POU2AF1: variants seen among roughly 807,000 people sequenced by gnomAD.
POU2AF1 encodes the protein POU class 2 homeobox associating factor 1.
In POU2AF1, 12 loss-of-function variants were observed where a neutral mutation model predicts 26.3. The observed-to-expected ratio is 0.46, with a 90% CI of 0.29 to 0.74. The LOEUF (loss-of-function observed/expected upper bound fraction) is 0.74, where lower values mean the gene tolerates loss of function less well. Ranked by LOEUF, POU2AF1 falls within the 30% of genes least tolerant of loss-of-function variation. The pLI, the probability that POU2AF1 is intolerant of heterozygous loss-of-function variation, is 0.09. For synonymous variants in POU2AF1, 175 were observed against 148.0 expected (o/e 1.18, Z -1.32); for missense variants, 297 against 334.5 (o/e 0.89, Z 0.87).
chr11:111,374,116 A>ATTTTTTTTTTTTT (rs60260380), intron 1 of POU2AF1, among the ~76,000 whole-genome samples: 2 of 109,648 alleles, frequency 1.8e-5, no homozygotes, highest in Non-Finnish European at 3.7e-5. Context: ...GGCAAACTTG[A>ATTTTTTTTTTTTT]TTTTTTTTTT....
chr11:111,362,352 A>G (rs77899176), intron 1 of POU2AF1, among the ~76,000 whole-genome samples: 7,416 of 152,310 alleles, frequency 0.049, 228 homozygotes, highest in Middle Eastern at 0.15. Flanking sequence ...TAAGTGTACC[A>G]TAAATTATTG....
At chr11:111,374,031 A>G (rs12799202) in intron 1 of POU2AF1, among the ~76,000 whole-genome samples, 98,287 of 151,736 alleles carry the variant, frequency 0.65, 33,267 homozygotes, top group Admixed American at 0.77. Context: ...ACACTTTGTA[A>G]TGGGAAAGTT....
At chr11:111,378,301 AAGAC>A (rs1170840139) in intron 1 of POU2AF1, among the ~76,000 whole-genome samples, 2 of 152,226 alleles carry the variant, frequency 1.3e-5, no homozygotes, top group South Asian at 2.1e-4. Context: ...CTTTAAGAGA[AAGAC>A]AGAGCAATTT....
At chr11:111,368,732 T>G (rs2135130875) in intron 1 of POU2AF1, among the ~76,000 whole-genome samples, 1 of 152,346 alleles carries the variant, frequency 6.6e-6, no homozygotes, top group South Asian at 2.1e-4. Flanking sequence ...ATGTTGCTTA[T>G]CACCTGTGTG....
intron 2 of POU2AF1, among the ~76,000 whole-genome samples, chr11:111,358,426 ACT>A (rs776164484): frequency 7.1e-4 from 70 of 98,604 alleles, no homozygotes; most frequent in African/African-American, 2.4e-3. Flanking sequence ...ACACGCTCAC[ACT>A]CTCACACTCA....
At position 111,375,390 on chromosome 11, in the gene POU2AF1, C is replaced by CTTTTTTTTTTTT. The variant is rs869115956; in HGVS notation, c.16+3760_16+3771dup. On this transcript the variant is annotated intron_variant, in intron 1 of 4. Coordinates refer to ENST00000393067, the MANE Select transcript of POU2AF1 (RefSeq NM_006235.3). ...TGTACAACCCCAGGATACTGAGTAT[C>CTTTTTTTTTTTT]TTTTTTTTTTTTTTTTTTTTTTTTG... Among the ~76,000 whole-genome samples the CTTTTTTTTTTTT allele has an allele frequency of 2.1e-4, 17 of 79,498 alleles. 1 individual carries two copies. Among genetic ancestry groups the CTTTTTTTTTTTT allele is most frequent in the Non-Finnish European group, 3.2e-4 (15 of 46,204 alleles). The allele number at this position is 79,498 out of a possible 152,430, so 52.2% of individuals were successfully genotyped here.
chr11:111,377,738 T>C (rs553986697), intron 1 of POU2AF1: 4 of 179,190 alleles, frequency 2.2e-5, no homozygotes, highest in Non-Finnish European at 4.8e-5. Context: ...GGCACACAGA[T>C]GCTTAGGGGC....
chr11:111,366,452 A>G (rs1016412013), intron 1 of POU2AF1, among the ~76,000 whole-genome samples: 4 of 152,250 alleles, frequency 2.6e-5, no homozygotes, highest in African/African-American at 9.6e-5. Context: ...CAGCTGAAGA[A>G]TAAGTTGTAA....
At chr11:111,364,026 A>G in intron 1 of POU2AF1, 1 of 981,874 alleles carries the variant, frequency 1.0e-6, no homozygotes, top group Non-Finnish European at 1.2e-6. Context: ...GGGGGAAAAA[A>G]AATCATTTAC....
At position 111,358,792 on chromosome 11, in the gene POU2AF1, G is replaced by T. The variant is rs751262631; in HGVS notation, c.143C>A (p.Thr48Lys). The T allele has an allele frequency of 1.9e-6, 3 of 1,592,644 alleles. No individual in the cohort carries two copies. In the Middle Eastern group the frequency reaches 5.0e-4, roughly 264 times the overall value. Residue 48 changes from threonine to lysine, a missense_variant, in exon 2 of 5, where the codon ACG becomes AAG. Thr to Lys is a moderately conservative substitution (Grantham distance 78, BLOSUM62 -1). Coordinates refer to ENST00000393067, the MANE Select transcript of POU2AF1 (RefSeq NM_006235.3). ...HASSGAAPAP[T>K]AVVLPHQPLA... Reference sequence around the variant, plus strand: ...CTCACACACACAAACTCTCACCGCCGTAGGTGCAGGTGCTGCCCCACTGCT... The same window carrying T: ...CTCACACACACAAACTCTCACCGCCTTAGGTGCAGGTGCTGCCCCACTGCT...
chr11:111,357,721 A>T lies in POU2AF1; in HGVS notation c.191-11T>A. ...CCAGGCAGGAAGGACCTGTGGGAAG[A>T]AGGAAATTACAGAACTTCAGATGCC... On this transcript the variant is annotated splice_polypyrimidine_tract_variant and intron_variant, in intron 3 of 4. Transcript: ENST00000393067. 6.2e-7 allele frequency: 1 copy of T among 1,612,014 alleles called. No homozygotes were observed. The highest frequency in any genetic ancestry group is 1.7e-5 in the Admixed American group (1 of 59,654).
At chr11:111,365,383 T>C (rs1013656729) in intron 1 of POU2AF1, among the ~76,000 whole-genome samples, 6 of 152,080 alleles carry the variant, frequency 3.9e-5, no homozygotes, top group Non-Finnish European at 7.4e-5. Context: ...AAACAACAGG[T>C]AAACCTTGTA....
chr11:111,363,909 A>G (rs1861057376), intron 1 of POU2AF1: 1 of 985,110 alleles, frequency 1.0e-6, no homozygotes, highest in South Asian at 4.7e-5. Flanking sequence ...AAATCTTTCC[A>G]CCTTAGCATG....
At chr11:111,370,647 T>G (rs1047621374) in intron 1 of POU2AF1, among the ~76,000 whole-genome samples, 1 of 152,158 alleles carries the variant, frequency 6.6e-6, no homozygotes, top group Non-Finnish European at 1.5e-5. Flanking sequence ...TATACTGAAG[T>G]TCTACAGTAG....
chr11:111,358,368 T>TCACACA (rs745706431), intron 2 of POU2AF1, among the ~76,000 whole-genome samples: 5 of 82,152 alleles, frequency 6.1e-5, no homozygotes, highest in African/African-American at 2.1e-4. Flanking sequence ...TCTCACACAC[T>TCACACA]CACACACTCT....
rs1860778344 is a variant in POU2AF1 at position 111,353,585 on chromosome 11, G to C, written c.*676C>G. 4.3e-6 allele frequency: 1 copy of C among 233,364 alleles called. No individual in the cohort carries two copies. The allele number at this position is 233,364 out of a possible 1,614,324, so 14.5% of individuals were successfully genotyped here. A position where few individuals can be genotyped will look rare whatever the true frequency, so the allele number is the denominator to read the frequency against. ...AAACAAAGGAGCAACTGTGGGAACT[G>C]ACAGCTCAAGGACTCTGGCATCAGG... On this transcript the variant is annotated 3_prime_UTR_variant, in exon 5 of 5. Coordinates refer to ENST00000393067, the MANE Select transcript of POU2AF1 (RefSeq NM_006235.3).
At chr11:111,368,522 G>A (rs550968370) in intron 1 of POU2AF1, among the ~76,000 whole-genome samples, 5 of 152,142 alleles carry the variant, frequency 3.3e-5, no homozygotes, top group East Asian at 1.9e-4. Context: ...AGTCTCGAGC[G>A]TGACTTGCTA....
At position 111,358,909 on chromosome 11, in the gene POU2AF1, G is replaced by A. The variant is rs770699751; in HGVS notation, c.26C>T (p.Pro9Leu). ...CCGGGCCGGGGCTGGGGCTTGCTCC[G>A]GAGCTGTGGCTGTGAAAAGCAATGT... MLWQKPTA[P>L]EQAPAPARPY... Residue 9 changes from proline (P) to leucine (L), a missense_variant, in exon 2 of 5, where the codon CCG becomes CTG. Transcript: ENST00000393067. 19 of 1,603,444 alleles carry A rather than the reference G, an allele frequency of 1.2e-5. No individual in the cohort carries two copies. Among genetic ancestry groups the A allele is most frequent in the African/African-American group, 9.3e-5 (7 of 74,924 alleles).
Position 111,369,960 on chromosome 11 carries a change from A to C in POU2AF1, c.16+9202T>G, listed in dbSNP as rs533316046. 1.8e-4 allele frequency among the ~76,000 whole-genome samples: 27 copies of C among 152,322 alleles called. 2 individuals are homozygous for C. In the South Asian group the frequency reaches 5.6e-3, roughly 32 times the overall value. On this transcript the variant is annotated intron_variant, in intron 1 of 4. Transcript: ENST00000393067. Reference sequence around the variant, plus strand: ...AAGCAATATCTAATTTTGGCTTTTCAAGACTAAAGAGCTTTATTGAAAAAA... The same window carrying C: ...AAGCAATATCTAATTTTGGCTTTTCCAGACTAAAGAGCTTTATTGAAAAAA...
Sources: gnomAD v4.1 joint callset for allele counts (sites outside exome capture counted in the v4.1 genomes callset) on GRCh38, gnomAD v4.1.1 for gene constraint, MANE v1.5 for transcripts, NCBI Gene and HGNC (gene_info 2026-07-23, HGNC 2026-07-21) for gene names.